Variants in CTCF observed in about 807,000 individuals in gnomAD.
CTCF encodes CCCTC-binding factor.
A neutral mutation model predicts 72.3 loss-of-function variants in CTCF; 7 were observed. That is an observed-to-expected ratio of 0.10 (90% confidence interval 0.06 to 0.18). The LOEUF (loss-of-function observed/expected upper bound fraction) is 0.18. Ranked by LOEUF, CTCF falls within the 10% of genes least tolerant of loss-of-function variation. CTCF has a pLI of 1.00. For missense variants in CTCF, 516 were observed against 949.1 expected (o/e 0.54, Z 6.00); for synonymous variants, 374 against 315.8 (o/e 1.18, Z -1.95).
At position 67,638,118 on chromosome 16, in the gene CTCF, G is replaced by A; in HGVS notation, c.*246G>A. 2.3e-6 allele frequency: 1 copy of A among 432,684 alleles called. No homozygotes were observed. Among genetic ancestry groups the A allele is most frequent in the Non-Finnish European group, 4.1e-6 (1 of 242,846 alleles). 26.8% of individuals were successfully genotyped at this position (432,684 alleles called of 1,614,324 possible). A position where few individuals can be genotyped will look rare whatever the true frequency, so the allele number is the denominator to read the frequency against. On this transcript the variant is annotated 3_prime_UTR_variant, in exon 12 of 12. Transcript: ENST00000264010. ...GGTTTACTGTGAAGTGCTGAGGACA[G>A]TGTTGACAACTAACTCGTTTTCCTA...
chr16:67,585,014 C>T (rs1291893518), intron 2 of CTCF, among the ~76,000 whole-genome samples: 1 of 152,112 alleles, frequency 6.6e-6, no homozygotes, highest in Non-Finnish European at 1.5e-5. Flanking sequence ...ACATTAATTG[C>T]TCTTGGGTGT....
intron 2 of CTCF, among the ~76,000 whole-genome samples, chr16:67,595,613 A>G (rs2142775366): frequency 6.6e-6 from 1 of 152,242 alleles, no homozygotes. Context: ...GTATTGTTTC[A>G]TTGGGTTTTT....
chr16:67,596,463 T>C (rs2051816561), intron 2 of CTCF, among the ~76,000 whole-genome samples: 1 of 152,208 alleles, frequency 6.6e-6, no homozygotes, highest in Non-Finnish European at 1.5e-5. Flanking sequence ...GTTATACATA[T>C]GATAAAGAGG....
At chr16:67,622,143 T>G (rs1050460963) in intron 7 of CTCF, among the ~76,000 whole-genome samples, 1 of 152,038 alleles carries the variant, frequency 6.6e-6, no homozygotes, top group Admixed American at 6.6e-5. Context: ...GATCACGAGG[T>G]CAGGCGATCG....
Position 67,578,085 on chromosome 16 carries a change from A to G in CTCF, c.-10+6821A>G, listed in dbSNP as rs180783201. 3.9e-5 allele frequency among the ~76,000 whole-genome samples: 6 copies of G among 152,274 alleles called. No homozygotes were observed. The East Asian group carries it at 1.2e-3, about 29-fold the overall frequency. On this transcript the variant is annotated intron_variant, in intron 2 of 11. Coordinates refer to ENST00000264010, the MANE Select transcript of CTCF (RefSeq NM_006565.4). Reference sequence around the variant, plus strand: ...CACTTTTATTAACAGGCATGTACATATAATACAACTTTTTAAACAAAATAT... The same window carrying G: ...CACTTTTATTAACAGGCATGTACATGTAATACAACTTTTTAAACAAAATAT...
At chr16:67,594,060 T>C (rs1468188019) in intron 2 of CTCF, among the ~76,000 whole-genome samples, 1 of 152,214 alleles carries the variant, frequency 6.6e-6, no homozygotes, top group African/African-American at 2.4e-5. Flanking sequence ...ATGGCAGGAT[T>C]TTAAAAAATC....
rs921664067 is a variant in CTCF at position 67,602,702 on chromosome 16, G to A, written c.-9-8122G>A. 1.4e-4 allele frequency among the ~76,000 whole-genome samples: 22 copies of A among 152,106 alleles called. 1 individual carries two copies. Among genetic ancestry groups the A allele is most frequent in the Admixed American group, 1.4e-3 (22 of 15,268 alleles). On this transcript the variant is annotated intron_variant, in intron 2 of 11. Transcript: ENST00000264010. ...CCTAAAAATATAAAATTAGCCAGGT[G>A]TGGTGGCGCATGCCTGTAATCCCAG...
chr16:67,564,845 C>G (rs1167142511), intron 1 of CTCF, among the ~76,000 whole-genome samples: 2 of 152,128 alleles, frequency 1.3e-5, no homozygotes, highest in Admixed American at 1.3e-4. Flanking sequence ...TGGGTTTATA[C>G]GTCATTTATG....
In CTCF at chr16:67,585,225, A is replaced by G. The variant is rs139982682; in HGVS notation, c.-10+13961A>G. On this transcript the variant is annotated intron_variant, in intron 2 of 11. Coordinates refer to ENST00000264010, the MANE Select transcript of CTCF (RefSeq NM_006565.4). ...CCATCATGCCCGGCTAATTTTTTGT[A>G]TTTAGTAGTGAACGGGGTTTCACCA... 2.5e-3 allele frequency among the ~76,000 whole-genome samples: 376 copies of G among 152,092 alleles called. 1 individual carries two copies. Among genetic ancestry groups the G allele is most frequent in the Non-Finnish European group, 4.6e-3 (312 of 67,994 alleles).
At chr16:67,637,643 G>A (rs751312696) in intron 11 of CTCF, 45 bp from the exon 12 acceptor site, 2 of 1,540,610 alleles carry the variant, frequency 1.3e-6, no homozygotes, top group African/African-American at 2.8e-5. Context: ...GTGATTCTTG[G>A]GGCTTTAATG....
Position 67,638,595 on chromosome 16 carries a change from C to T in CTCF, c.*723C>T, listed in dbSNP as rs1049512624. 2.2e-5 allele frequency: 5 copies of T among 231,656 alleles called. No individual in the cohort carries two copies. Among genetic ancestry groups the T allele is most frequent in the Non-Finnish European group, 4.3e-5 (5 of 116,812 alleles). The allele number at this position is 231,656 out of a possible 1,614,324, so 14.4% of individuals were successfully genotyped here. ...CACAATCATGTAGCAGAATGGCACC[C>T]AGACCACTGCCCACCAGTGACGGAC... On this transcript the variant is annotated 3_prime_UTR_variant, in exon 12 of 12. Coordinates refer to ENST00000264010, the MANE Select transcript of CTCF (RefSeq NM_006565.4).
At chr16:67,626,777 T>C in intron 8 of CTCF, 62 bp downstream of exon 8, 1 of 1,232,658 alleles carries the variant, frequency 8.1e-7, no homozygotes, top group Non-Finnish European at 1.1e-6. Flanking sequence ...CAGAGGGCAT[T>C]TACATATCTA....
At chr16:67,581,306 T>C (rs1480361577) in intron 2 of CTCF, among the ~76,000 whole-genome samples, 2 of 151,952 alleles carry the variant, frequency 1.3e-5, no homozygotes, top group Non-Finnish European at 2.9e-5. Context: ...TGTGAACGTT[T>C]TTCCTGTTAG....
chr16:67,590,892 T>C (rs1365133556), intron 2 of CTCF, among the ~76,000 whole-genome samples: 2 of 123,136 alleles, frequency 1.6e-5, no homozygotes, highest in East Asian at 4.8e-4. Flanking sequence ...ACCCGGGAGG[T>C]GGAGGTTGCA....
At chr16:67,577,272 C>G (rs1451915781) in intron 2 of CTCF, among the ~76,000 whole-genome samples, 3 of 150,634 alleles carry the variant, frequency 2.0e-5, no homozygotes, top group Non-Finnish European at 4.4e-5. Flanking sequence ...CAAAAATTAG[C>G]CAGGCATGGT....
chr16:67,635,362 C>A (rs761400139), intron 10 of CTCF, among the ~76,000 whole-genome samples: 8 of 151,082 alleles, frequency 5.3e-5, no homozygotes, highest in Non-Finnish European at 1.2e-4. Context: ...GACGGGGTTT[C>A]ACCATATTTG....
At chr16:67,633,750 A>T (rs959332491) in intron 10 of CTCF, among the ~76,000 whole-genome samples, 1 of 151,480 alleles carries the variant, frequency 6.6e-6, no homozygotes, top group Non-Finnish European at 1.5e-5. Context: ...CGCCTCAAAA[A>T]AAAAGAAAAA....
chr16:67,598,465 A>G (rs1050913722), intron 2 of CTCF, among the ~76,000 whole-genome samples: 1 of 152,242 alleles, frequency 6.6e-6, no homozygotes, highest in Non-Finnish European at 1.5e-5. Context: ...AAGACAGATA[A>G]TAAGTGATAT....
At chr16:67,574,783 C>G (rs2051473038) in intron 2 of CTCF, among the ~76,000 whole-genome samples, 1 of 151,350 alleles carries the variant, frequency 6.6e-6, no homozygotes, top group Admixed American at 6.6e-5. Flanking sequence ...CTCGGCCTCC[C>G]AAGTAGCTGA....
Sources: allele counts gnomAD v4.1 joint callset (sites outside exome capture counted in the v4.1 genomes callset), GRCh38; gene constraint gnomAD v4.1.1; transcripts MANE v1.5; gene names NCBI Gene and HGNC (gene_info 2026-07-23, HGNC 2026-07-21).